Variants in PLXNA4 observed in about 807,000 individuals in gnomAD.
The protein encoded by PLXNA4 is plexin A4.
In PLXNA4, 44 loss-of-function variants were observed where a neutral mutation model predicts 191.8. The ratio of observed to expected loss-of-function variants is 0.23; its 90% CI spans 0.18 to 0.29. The LOEUF (loss-of-function observed/expected upper bound fraction) is 0.29, where lower values mean the gene tolerates loss of function less well. Ranked by LOEUF, PLXNA4 falls within the 10% of genes least tolerant of loss-of-function variation. The pLI is 1.00. For synonymous variants in PLXNA4, 1,082 were observed against 1,009.5 expected (o/e 1.07, Z -1.36); for missense variants, 1,800 against 2,488.8 (o/e 0.72, Z 5.89).
chr7:132,124,220 A>T lies in PLXNA4; in HGVS notation c.*6259T>A, dbSNP rs1794709889. On this transcript the variant is annotated 3_prime_UTR_variant, in exon 32 of 32. Transcript: ENST00000321063. ...TCGTTGGTTTCCGAATGGAAACAAG[A>T]TTCTTTGAGGTAAGCTAGCTTTTCA... The T allele has an allele frequency of 6.6e-6, 1 of 152,228 alleles. No individual in the cohort carries two copies. Among genetic ancestry groups the T allele is most frequent in the Non-Finnish European group, 1.5e-5 (1 of 68,034 alleles). The allele number at this position is 152,228 out of a possible 1,614,324, so 9.4% of individuals were successfully genotyped here.
chr7:132,459,064 T>C (rs1796407018), intron 3 of PLXNA4, among the ~76,000 whole-genome samples: 1 of 152,144 alleles, frequency 6.6e-6, no homozygotes, highest in Admixed American at 6.5e-5. Context: ...AATACACACA[T>C]CTACGTAGAC....
At chr7:132,534,096 A>C (rs1799735124) in intron 1 of PLXNA4, among the ~76,000 whole-genome samples, 1 of 152,162 alleles carries the variant, frequency 6.6e-6, no homozygotes. Context: ...AAAAGAAAAA[A>C]GGCCAGTGAA....
intron 4 of PLXNA4, among the ~76,000 whole-genome samples, chr7:132,271,962 A>G (rs1425403398): frequency 2.0e-5 from 3 of 152,340 alleles, no homozygotes; most frequent in Middle Eastern, 3.4e-3. Context: ...TGATAGGAAG[A>G]AATGCAAGAT....
At chr7:132,303,124 C>A (rs1286166510) in intron 3 of PLXNA4, among the ~76,000 whole-genome samples, 1 of 151,896 alleles carries the variant, frequency 6.6e-6, no homozygotes, top group African/African-American at 2.4e-5. Flanking sequence ...CTGCCCGCCT[C>A]GGCCTCCCAA....
chr7:132,384,473 G>A (rs1198794003), intron 3 of PLXNA4: 4 of 985,660 alleles, frequency 4.1e-6, no homozygotes, highest in African/African-American at 3.5e-5. Context: ...GGCCATGCAG[G>A]AGACACTGCT....
rs1489761962 is a variant in PLXNA4 at position 132,298,233 on chromosome 7, G to C, written c.1372-11C>G. 2.5e-6 allele frequency: 4 copies of C among 1,607,536 alleles called. No homozygotes were observed. The highest frequency in any genetic ancestry group is 3.4e-6 in the Non-Finnish European group (4 of 1,177,046). On this transcript the variant is annotated splice_polypyrimidine_tract_variant and intron_variant, in intron 3 of 31. Transcript: ENST00000321063. ...TCCATCCACCCGGATCTGTGGAGAA[G>C]AAGAGGAGAGCCAAAGTGAGTTCAG...
At chr7:132,625,868 C>T (rs1348522122) in intron 2 of PLXNA4, among the ~76,000 whole-genome samples, 1 of 152,188 alleles carries the variant, frequency 6.6e-6, no homozygotes, top group African/African-American at 2.4e-5. Flanking sequence ...GACAAAAATC[C>T]TGCTCTCACG....
chr7:132,458,567 A>G (rs1196898249), intron 3 of PLXNA4, among the ~76,000 whole-genome samples: 2 of 151,498 alleles, frequency 1.3e-5, no homozygotes, highest in African/African-American at 4.9e-5. Flanking sequence ...GAGACACAAG[A>G]GAGTATGGAC....
rs1413868778 is a variant in PLXNA4, at chr7:132,126,185, A to AAAC, written c.*4291_*4293dup. ...ATCACAGCATCGTTCACGGCTCTGG[A>AAAC]AACAGTGGTAAGGATTCTTCTTGCA... On this transcript the variant is annotated 3_prime_UTR_variant, in exon 32 of 32. Transcript: ENST00000321063. 2 of 152,504 alleles carry AAAC rather than the reference A, an allele frequency of 1.3e-5. No individual in the cohort carries two copies. The highest frequency in any genetic ancestry group is 3.9e-4 in the East Asian group (2 of 5,178). 9.4% of individuals were successfully genotyped at this position (152,504 alleles called of 1,614,324 possible).
intron 3 of PLXNA4, among the ~76,000 whole-genome samples, chr7:132,344,720 C>A (rs1376619317): frequency 2.0e-5 from 3 of 152,162 alleles, no homozygotes; most frequent in African/African-American, 4.8e-5. Flanking sequence ...CTATTTCTAC[C>A]TTTGTCCTCG....
At chr7:132,150,256 T>G (rs1385565742) in intron 25 of PLXNA4, among the ~76,000 whole-genome samples, 2 of 152,314 alleles carry the variant, frequency 1.3e-5, no homozygotes, top group East Asian at 1.9e-4. Flanking sequence ...TTTTGCTTGT[T>G]ATTGTGTTGT....
chr7:132,605,177 G>A (rs1407645076), intron 2 of PLXNA4, among the ~76,000 whole-genome samples: 1 of 152,228 alleles, frequency 6.6e-6, no homozygotes. Flanking sequence ...GCATGGGGAA[G>A]ATAAGTCATT....
intron 2 of PLXNA4, among the ~76,000 whole-genome samples, chr7:132,497,361 C>T (rs1798068023): frequency 6.6e-6 from 1 of 152,192 alleles, no homozygotes; most frequent in Non-Finnish European, 1.5e-5. Context: ...CGGCTGACCC[C>T]TAAGGTGTTC....
intron 1 of PLXNA4, among the ~76,000 whole-genome samples, chr7:132,541,820 T>C (rs1211839621): frequency 1.3e-5 from 2 of 152,232 alleles, no homozygotes; most frequent in African/African-American, 4.8e-5. Context: ...TTGGTGCATC[T>C]GCTCAGATTC....
intron 3 of PLXNA4, among the ~76,000 whole-genome samples, chr7:132,402,273 T>C (rs773307647): frequency 4.6e-5 from 7 of 152,038 alleles, no homozygotes; most frequent in Non-Finnish European, 1.0e-4. Context: ...TCAGACAGGA[T>C]CAGTGACAAC....
At chr7:132,577,103 G>C (rs1802277989), upstream of PLXNA4, 3 of 146,566 alleles carry the variant, frequency 2.0e-5, no homozygotes, top group Admixed American at 2.0e-4. Flanking sequence ...GGGGAGGCGC[G>C]GGGCTGCGGC....
At chr7:132,316,448 T>C (rs1477863956) in intron 3 of PLXNA4, among the ~76,000 whole-genome samples, 14 of 152,230 alleles carry the variant, frequency 9.2e-5, no homozygotes, top group African/African-American at 3.4e-4. Flanking sequence ...ATCAAGTCAC[T>C]ATGGGATAGA....
chr7:132,532,754 C>T (rs1189205503), intron 1 of PLXNA4, among the ~76,000 whole-genome samples: 5 of 152,292 alleles, frequency 3.3e-5, no homozygotes, highest in African/African-American at 1.2e-4. Context: ...TCATGGTTTC[C>T]ACTCTAATAG....
At position 132,519,246 on chromosome 7, in the gene PLXNA4, G is replaced by C. The variant is rs77020962; in HGVS notation, c.-86-10467C>G. Among the ~76,000 whole-genome samples, 1,012 of 152,344 alleles carry C rather than the reference G, an allele frequency of 6.6e-3. 12 individuals are homozygous for C. The highest frequency in any genetic ancestry group is 0.023 in the African/African-American group (961 of 41,594). On this transcript the variant is annotated intron_variant, in intron 1 of 31. Transcript: ENST00000321063. ...CCTGCTCTGCAAAATGGCACAGGCT[G>C]GCACCTATGTGGCCACTGTCTCCTA... is the stretch of plus-strand genomic sequence containing the variant.
Sources: gnomAD v4.1 joint callset for allele counts (sites outside exome capture counted in the v4.1 genomes callset) on GRCh38, gnomAD v4.1.1 for gene constraint, MANE v1.5 for transcripts, NCBI Gene and HGNC (gene_info 2026-07-23, HGNC 2026-07-21) for gene names.